Variants in CNTNAP2 observed in about 807,000 individuals in gnomAD.
CNTNAP2 encodes the protein contactin associated protein 2, also known as contactin-associated protein-like 2.
CNTNAP2 carries 98 observed loss-of-function variants against 155.2 expected under a neutral mutation model. That is an observed-to-expected ratio of 0.63 (90% CI 0.54 to 0.75). The LOEUF (loss-of-function observed/expected upper bound fraction) is 0.75. Among genes scored for constraint, CNTNAP2 ranks in the 30% least tolerant of loss-of-function variants. CNTNAP2 has a pLI of 0.00. For synonymous variants in CNTNAP2, 651 were observed against 631.2 expected, an observed-to-expected ratio of 1.03 and a Z score of -0.47; for missense variants, 1,727 against 1,688.1, an observed-to-expected ratio of 1.02 and a Z score of -0.40.
At chr7:146,651,086 T>C (rs1358512733) in intron 1 of CNTNAP2, among the ~76,000 whole-genome samples, 1 of 152,024 alleles carries the variant, frequency 6.6e-6, no homozygotes, top group East Asian at 1.9e-4. Flanking sequence ...AATACATAAC[T>C]GAGATCACAG....
intron 13 of CNTNAP2, among the ~76,000 whole-genome samples, chr7:147,863,404 C>A (rs1361048204): frequency 6.6e-6 from 1 of 152,148 alleles, no homozygotes; most frequent in East Asian, 1.9e-4. Flanking sequence ...GTGCATGTGT[C>A]TTTACAGGAG....
At chr7:146,258,914 T>C (rs112940110) in intron 1 of CNTNAP2, among the ~76,000 whole-genome samples, 6,306 of 152,234 alleles carry the variant, frequency 0.041, 404 homozygotes, top group African/African-American at 0.14. Context: ...AGTGATATGG[T>C]TTGGCTCTGT....
At chr7:148,413,454 A>G (rs1259200290) in intron 23 of CNTNAP2, among the ~76,000 whole-genome samples, 1 of 121,774 alleles carries the variant, frequency 8.2e-6, no homozygotes, top group Non-Finnish European at 1.7e-5. Context: ...ATATTGCTCC[A>G]TAGTTTTCTT....
chr7:147,121,219 C>T (rs1801105540), intron 6 of CNTNAP2, 56 bp downstream of exon 6: 17 of 1,530,640 alleles, frequency 1.1e-5, no homozygotes, highest in Admixed American at 3.4e-5. Flanking sequence ...TGTCACTCTC[C>T]TACTGTATTG....
Position 146,972,837 on chromosome 7 carries a change from T to G in CNTNAP2, c.403-71070T>G, listed in dbSNP as rs75763782. On this transcript the variant is annotated intron_variant, in intron 3 of 23. Transcript: ENST00000361727. ...ATGAGAGAAAAACTGATTTGGTTGA[T>G]TTTCCTGGCTCATCAGTTTTGAGGT... 8.6e-3 allele frequency among the ~76,000 whole-genome samples: 1,309 copies of G among 152,256 alleles called. 17 individuals are homozygous for G. The highest frequency in any genetic ancestry group is 0.03 in the African/African-American group (1,260 of 41,546).
chr7:147,520,355 C>A (rs1441560055), intron 11 of CNTNAP2, among the ~76,000 whole-genome samples: 1 of 152,164 alleles, frequency 6.6e-6, no homozygotes, highest in Non-Finnish European at 1.5e-5. Flanking sequence ...TCAAGTAGAG[C>A]AAGAGGTGGT....
chr7:148,341,332 G>A (rs535704704), intron 21 of CNTNAP2, among the ~76,000 whole-genome samples: 12 of 150,210 alleles, frequency 8.0e-5, no homozygotes, highest in Admixed American at 1.3e-4. Context: ...GTTCTAATCC[G>A]TAATAGTGTG....
chr7:146,651,693 T>G (rs1456894168), intron 1 of CNTNAP2, among the ~76,000 whole-genome samples: 11 of 152,124 alleles, frequency 7.2e-5, no homozygotes, highest in African/African-American at 2.7e-4. Flanking sequence ...ATTATGATAT[T>G]CTCTTATTGC....
intron 15 of CNTNAP2, among the ~76,000 whole-genome samples, chr7:148,033,261 TAGA>T (rs1802513634): frequency 6.6e-6 from 1 of 152,172 alleles, no homozygotes; most frequent in Non-Finnish European, 1.5e-5. Flanking sequence ...CTTCGTAATT[TAGA>T]AGATGTATCT....
chr7:147,602,248 T>A (rs1393090392), intron 12 of CNTNAP2, among the ~76,000 whole-genome samples: 2 of 152,112 alleles, frequency 1.3e-5, no homozygotes, highest in Non-Finnish European at 2.9e-5. Context: ...ATAGGACAAG[T>A]GTTTATTTTT....
intron 1 of CNTNAP2, among the ~76,000 whole-genome samples, chr7:146,670,616 G>A (rs145263928): frequency 1.3e-3 from 200 of 152,258 alleles, no homozygotes; most frequent in Middle Eastern, 3.4e-3. Flanking sequence ...CCACTTTAAT[G>A]TATTCCTCAG....
rs532085843 is a variant in CNTNAP2, at chr7:146,682,797, A to G, written c.98-91474A>G. On this transcript the variant is annotated intron_variant, in intron 1 of 23. Coordinates refer to ENST00000361727, the MANE Select transcript of CNTNAP2 (RefSeq NM_014141.6). ...TACATTATGCATAATCGGTTAATAG[A>G]TAAGGAAGAAAAATTCAATATTAAA... Among the ~76,000 whole-genome samples the G allele has an allele frequency of 7.2e-5, 11 of 152,318 alleles. No individual in the cohort carries two copies. In the South Asian group the frequency reaches 2.3e-3, roughly 32 times the overall value.
intron 2 of CNTNAP2, among the ~76,000 whole-genome samples, chr7:146,781,055 C>T (rs1307908978): frequency 2.0e-5 from 3 of 151,714 alleles, no homozygotes; most frequent in Admixed American, 6.6e-5. Flanking sequence ...GGTGAAATCC[C>T]GTCTCTACTA....
intron 4 of CNTNAP2, among the ~76,000 whole-genome samples, chr7:147,083,835 T>G (rs1173465155): frequency 1.4e-5 from 2 of 141,640 alleles, no homozygotes; most frequent in Non-Finnish European, 3.0e-5. Flanking sequence ...TATACACATG[T>G]ATGTACATAT....
chr7:147,637,394 AAG>A (rs1378509201), intron 12 of CNTNAP2, among the ~76,000 whole-genome samples: 18 of 152,276 alleles, frequency 1.2e-4, no homozygotes, highest in African/African-American at 3.8e-4. Context: ...ATGCAGAAGA[AAG>A]AGAGGCATTA....
chr7:147,569,960 C>T (rs149592840), intron 12 of CNTNAP2, among the ~76,000 whole-genome samples: 25 of 152,316 alleles, frequency 1.6e-4, no homozygotes, highest in Middle Eastern at 3.4e-3. Context: ...TAAAGACTGA[C>T]GTCTCCTATT....
intron 11 of CNTNAP2, among the ~76,000 whole-genome samples, chr7:147,500,290 T>A (rs1350016357): frequency 2.0e-5 from 3 of 152,152 alleles, no homozygotes; most frequent in African/African-American, 7.2e-5. Context: ...ATAGACATTT[T>A]TACATTAAAA....
intron 13 of CNTNAP2, among the ~76,000 whole-genome samples, chr7:147,698,896 G>GTAAATAAA (rs199513498): frequency 0.016 from 2,475 of 152,052 alleles, 220 homozygotes; most frequent in Admixed American, 0.15. Context: ...ATTAGAAAAA[G>GTAAATAAA]TAAATAAATA....
At chr7:146,753,381 T>G (rs1277611144) in intron 1 of CNTNAP2, among the ~76,000 whole-genome samples, 1 of 151,684 alleles carries the variant, frequency 6.6e-6, no homozygotes, top group Non-Finnish European at 1.5e-5. Context: ...AAAAAAAAAA[T>G]GTAAGAATGG....
Sources: allele counts gnomAD v4.1 joint callset (sites outside exome capture counted in the v4.1 genomes callset), GRCh38; gene constraint gnomAD v4.1.1; transcripts MANE v1.5; gene names NCBI Gene and HGNC (gene_info 2026-07-23, HGNC 2026-07-21).